Variants in LARGE1 observed in about 807,000 individuals in gnomAD.
LARGE1 encodes LARGE xylosyl- and glucuronyltransferase 1, also known as xylosyl- and glucuronyltransferase LARGE1.
Under a neutral mutation model 87.6 loss-of-function variants are expected in LARGE1, and 43 were observed. That is an observed-to-expected ratio of 0.49 (90% CI 0.38 to 0.63). LARGE1 has a LOEUF of 0.63. Ranked by LOEUF, LARGE1 falls within the 30% of genes least tolerant of loss-of-function variation. LARGE1 has a pLI of 0.00. For missense variants in LARGE1, 802 were observed against 1,000.2 expected (o/e 0.80, Z 2.67); for synonymous variants, 434 against 394.6 (o/e 1.10, Z -1.18).
At chr22:33,855,626 T>C (rs886437571) in intron 1 of LARGE1, among the ~76,000 whole-genome samples, 16 of 152,204 alleles carry the variant, frequency 1.1e-4, no homozygotes, top group South Asian at 2.1e-4. Context: ...CCTGTGCTTC[T>C]GGGAAAGGCC....
In LARGE1 at chr22:33,333,013, C is replaced by CTTTTTTTTTTTTTTTT. The variant is rs113084979; in HGVS notation, c.1287+4632_1287+4633insAAAAAAAAAAAAAAAA. On this transcript the variant is annotated intron_variant, in intron 10 of 14. Transcript: ENST00000397394. Reference sequence around the variant, plus strand: ...TTTTTGCCTGGGATGGGGCAATGTCCTTTTTTTTTTTTGGACGGAGTCTCA... The same window carrying CTTTTTTTTTTTTTTTT: ...TTTTTGCCTGGGATGGGGCAATGTCCTTTTTTTTTTTTTTTTTTTTTTTTTTTTGGACGGAGTCTCA... Among the ~76,000 whole-genome samples, 94 of 140,498 alleles carry CTTTTTTTTTTTTTTTT rather than the reference C, an allele frequency of 6.7e-4. 2 individuals carry two copies. The Middle Eastern group carries it at 0.011, about 16-fold the overall frequency. The allele number at this position is 140,498 out of a possible 152,430, so 92.2% of individuals were successfully genotyped here. A position where few individuals can be genotyped will look rare whatever the true frequency, so the allele number is the denominator to read the frequency against.
At chr22:33,624,336 T>C (rs1569321227) in intron 4 of LARGE1, among the ~76,000 whole-genome samples, 1 of 152,220 alleles carries the variant, frequency 6.6e-6, no homozygotes, top group Non-Finnish European at 1.5e-5. Context: ...CTGTCATTAA[T>C]AGATATATAA....
the LARGE1 span, among the ~76,000 whole-genome samples, chr22:33,116,544 T>A: frequency 4.7e-5 from 7 of 150,252 alleles, no homozygotes; most frequent in Non-Finnish European, 8.9e-5. Flanking sequence ...TTTTTTTTTT[T>A]AGTAGAGACG....
At chr22:33,505,415 C>T (rs1427061941) in intron 6 of LARGE1, among the ~76,000 whole-genome samples, 1 of 152,152 alleles carries the variant, frequency 6.6e-6, no homozygotes, top group Non-Finnish European at 1.5e-5. Flanking sequence ...AATCCTCTGC[C>T]CAGCTCATGT....
chr22:33,628,781 C>T (rs2080010210), intron 3 of LARGE1, among the ~76,000 whole-genome samples: 1 of 74,860 alleles, frequency 1.3e-5, no homozygotes, highest in Non-Finnish European at 2.6e-5. Flanking sequence ...ACATATTCAC[C>T]TCCCTATCCT....
At chr22:33,502,755 G>A (rs1229141962) in intron 6 of LARGE1, among the ~76,000 whole-genome samples, 1 of 152,042 alleles carries the variant, frequency 6.6e-6, no homozygotes, top group Non-Finnish European at 1.5e-5. Flanking sequence ...TTTTAGTAGA[G>A]ACAAGGTTTC....
At chr22:33,157,575 C>T (rs1032030330), downstream of LARGE1, among the ~76,000 whole-genome samples, 13 of 152,042 alleles carry the variant, frequency 8.6e-5, no homozygotes, top group African/African-American at 3.1e-4. Flanking sequence ...ATTGTCTTAC[C>T]TCTGCATAAA....
chr22:33,527,809 T>G (rs2071990056), intron 6 of LARGE1, among the ~76,000 whole-genome samples: 1 of 151,756 alleles, frequency 6.6e-6, no homozygotes, highest in Non-Finnish European at 1.5e-5. Context: ...GTGGAGGAGG[T>G]GTAAACAGTG....
intron 1 of LARGE1, among the ~76,000 whole-genome samples, chr22:33,889,693 C>T (rs936356818): frequency 2.6e-5 from 4 of 152,110 alleles, no homozygotes; most frequent in Admixed American, 6.5e-5. Flanking sequence ...GCAATACTCA[C>T]GGAGGCACCT....
At chr22:33,914,143 TCTC>T (rs1411504125) in intron 1 of LARGE1, among the ~76,000 whole-genome samples, 4 of 152,198 alleles carry the variant, frequency 2.6e-5, no homozygotes, top group African/African-American at 9.7e-5. Context: ...TTACTTCAGA[TCTC>T]CTCTTTCCTC....
intron 11 of LARGE1, among the ~76,000 whole-genome samples, chr22:33,309,129 T>TTAGGTCATGAGGGA (rs1935271992): frequency 6.6e-6 from 1 of 151,666 alleles, no homozygotes; most frequent in Non-Finnish European, 1.5e-5. Context: ...TGGGGGGTGA[T>TTAGGTCATGAGGGA]TAGGTCATGA....
intron 11 of LARGE1, among the ~76,000 whole-genome samples, chr22:33,187,780 C>T (rs1568965342): frequency 6.6e-6 from 1 of 151,420 alleles, no homozygotes; most frequent in South Asian, 2.1e-4. Context: ...AAAAATTAGC[C>T]GGGCATGGTG....
chr22:33,304,380 G>A lies in LARGE1; in HGVS notation c.1579C>T (p.His527Tyr), dbSNP rs547745759. ...TACACGATGTGGTAGCCCACGTTGT[G>A]GCGGCTCATAAGCACCTCAGAGCCC... Reference protein sequence around the residue: ...AQGSEVLMSRHNVGYHIVYKE... With the variant: ...AQGSEVLMSRYNVGYHIVYKE... The change falls in exon 12 of 15, where the codon CAC becomes TAC. Residue 527 changes from histidine (H) to tyrosine (Y), a missense_variant. His to Tyr is a moderately conservative substitution (Grantham distance 83). Transcript: ENST00000397394. The A allele has an allele frequency of 6.2e-7, 1 of 1,614,260 alleles. No individual in the cohort carries two copies. The highest frequency in any genetic ancestry group is 1.7e-5 in the Admixed American group (1 of 60,034).
intron 2 of LARGE1, among the ~76,000 whole-genome samples, chr22:33,664,490 A>T (rs935530454): frequency 1.3e-5 from 2 of 152,120 alleles, no homozygotes; most frequent in African/African-American, 4.8e-5. Flanking sequence ...GGGACCTTTT[A>T]CCTGGACTCA....
chr22:33,094,577 T>C, the LARGE1 span, among the ~76,000 whole-genome samples: 46 of 152,066 alleles, frequency 3.0e-4, no homozygotes, highest in Non-Finnish European at 5.3e-4. Context: ...ATAATGCCTT[T>C]CTCTACTTTT....
intron 2 of LARGE1, among the ~76,000 whole-genome samples, chr22:33,672,082 A>G (rs1292850108): frequency 6.6e-6 from 1 of 152,236 alleles, no homozygotes; most frequent in African/African-American, 2.4e-5. Context: ...GGAAACAGCT[A>G]CATATTAGGT....
At position 33,426,434 on chromosome 22, in the gene LARGE1, T is replaced by C. The variant is rs2066882507; in HGVS notation, c.892+5727A>G. ...ATTCTTTCAGAACACGAAGAGATCT[T>C]AGTTCCTGACATCAGAGACAATTAA... is the stretch of plus-strand genomic sequence containing the variant. On this transcript the variant is annotated intron_variant, in intron 7 of 14. Coordinates refer to ENST00000397394, the MANE Select transcript of LARGE1 (RefSeq NM_133642.5). 3.3e-5 allele frequency among the ~76,000 whole-genome samples: 5 copies of C among 152,156 alleles called. No homozygotes were observed. In the South Asian group the frequency reaches 1.0e-3, roughly 32 times the overall value.
At position 33,274,526 on chromosome 22, in the gene LARGE1, G is replaced by T; in HGVS notation, c.2172C>A (p.Arg724=). ...ITKFRSNKQY[R]ICLKTLKEEF... The stretch of plus-strand genomic sequence containing the variant: ...CTTCCTTGAGGGTTTTGAGACAGAT[G>T]CGGTATTGCTTGTTGGAACGGAACT... The change falls in exon 15 of 15, where the codon CGC becomes CGA. Residue 724 remains arginine, a synonymous_variant. Transcript: ENST00000397394. 6.2e-7 allele frequency: 1 copy of T among 1,614,126 alleles called. No homozygotes were observed. The highest frequency in any genetic ancestry group is 8.5e-7 in the Non-Finnish European group (1 of 1,180,014).
In LARGE1 at chr22:33,768,995, C is replaced by T. The variant is rs189674138; in HGVS notation, c.-82-7437G>A. Among the ~76,000 whole-genome samples the T allele has an allele frequency of 9.6e-3, 1,455 of 152,328 alleles. 12 individuals are homozygous for T. The highest frequency in any genetic ancestry group is 0.012 in the Non-Finnish European group (814 of 68,036). On this transcript the variant is annotated intron_variant, in intron 1 of 14. Coordinates refer to ENST00000397394, the MANE Select transcript of LARGE1 (RefSeq NM_133642.5). ...ACTGGTTAATAAACAGAGCTGGCCA[C>T]CCCTTCTCCTCTCTGCTCCTCACTT...
Sources: gnomAD v4.1 joint callset for allele counts (sites outside exome capture counted in the v4.1 genomes callset) on GRCh38, gnomAD v4.1.1 for gene constraint, MANE v1.5 for transcripts, NCBI Gene and HGNC (gene_info 2026-07-23, HGNC 2026-07-21) for gene names.